The following HIVEP1 variants were observed in gnomAD, a reference collection of about 807,000 sequenced individuals.
HIVEP1 encodes zinc finger protein 40.
Under a neutral mutation model 180.0 loss-of-function variants are expected in HIVEP1, and 36 were observed. The ratio of observed to expected loss-of-function variants is 0.20; its 90% CI spans 0.15 to 0.26. The LOEUF (loss-of-function observed/expected upper bound fraction) is 0.26, where lower values mean the gene tolerates loss of function less well. HIVEP1 is among the 10% of genes least tolerant of loss of function. The pLI, the probability that HIVEP1 is intolerant of heterozygous loss-of-function variation, is 1.00. For missense variants in HIVEP1, 3,143 were observed against 3,268.7 expected (o/e 0.96, Z 0.94); for synonymous variants, 1,239 against 1,239.0 (o/e 1.00, Z 0.00).
Position 12,124,406 on chromosome 6 carries a change from T to G in HIVEP1, c.4611T>G (p.Gly1537=), listed in dbSNP as rs1476615770. ...TQLSLQVSTQ[G]SKPDKNSVLS... ...TATCTCTGCAAGTGTCTACGCAGGG[T>G]AGCAAGCCAGATAAAAATTCTGTTT... Residue 1537 remains glycine, a synonymous_variant, in exon 4 of 9, where the codon GGT becomes GGG. Transcript: ENST00000379388. The G allele has an allele frequency of 1.2e-6, 2 of 1,614,032 alleles. No individual in the cohort carries two copies. Among genetic ancestry groups the G allele is most frequent in the Non-Finnish European group, 1.7e-6 (2 of 1,179,968 alleles).
At chr6:12,010,437 CA>C (rs1324870541), upstream of HIVEP1, among the ~76,000 whole-genome samples, 2 of 152,146 alleles carry the variant, frequency 1.3e-5, no homozygotes, top group Non-Finnish European at 2.9e-5. Flanking sequence ...ACGATTTCCT[CA>C]GGGGAATTTT....
chr6:12,129,798 A>G lies in HIVEP1; in HGVS notation c.6115A>G (p.Ser2039Gly). The change falls in exon 5 of 9, where the codon AGC becomes GGC. Residue 2039 changes from serine (S) to glycine (G), a missense_variant. Transcript: ENST00000379388. ...TCAAAAGTCCACAGTAGTTGAATTC[A>G]GCAATAAAGATGCCTCTGAAATTAA... ...GNQKSTVVEF[S>G]NKDASEINSE... is the part of the protein sequence containing the mutation. The G allele has an allele frequency of 6.2e-7, 1 of 1,600,312 alleles. No homozygotes were observed. Among genetic ancestry groups the G allele is most frequent in the Non-Finnish European group, 8.6e-7 (1 of 1,167,570 alleles).
Position 12,124,189 on chromosome 6 carries a change from A to T in HIVEP1, c.4394A>T (p.Gln1465Leu). ...ALPSVNAVPY[Q>L]GPQLTSTSLA... ...CCCAGTGTGAATGCAGTGCCATATCAGGGGCCTCAGCTCACTAGTACATCT... is the reference window on the plus strand; with the variant it reads ...CCCAGTGTGAATGCAGTGCCATATCTGGGGCCTCAGCTCACTAGTACATCT... Residue 1465 changes from glutamine to leucine, a missense_variant, in exon 4 of 9, where the codon CAG becomes CTG. Gln to Leu is a moderately radical substitution (Grantham distance 113). Transcript: ENST00000379388. 6.2e-7 allele frequency: 1 copy of T among 1,614,062 alleles called. No individual in the cohort carries two copies. The highest frequency in any genetic ancestry group is 8.5e-7 in the Non-Finnish European group (1 of 1,179,974).
chr6:12,067,456 A>G (rs1349077773), intron 2 of HIVEP1, among the ~76,000 whole-genome samples: 1 of 152,160 alleles, frequency 6.6e-6, no homozygotes, highest in Admixed American at 6.5e-5. Context: ...AATAATAAGG[A>G]CTATTTAAAC....
rs757615389 is a variant in HIVEP1 at position 12,124,710 on chromosome 6, C to T, written c.4915C>T (p.Arg1639Cys). The change falls in exon 4 of 9, where the codon CGC (arginine) becomes TGC (cysteine). Residue 1639 changes from arginine to cysteine, a missense_variant. Transcript: ENST00000379388. ...KVPSSFMLPI[R>C]LQSSVPAYCF... ...GCCATCATCATTCATGCTGCCCATA[C>T]GCCTGCAGAGTAGTGTTCCTGCTTA... 1.4e-5 allele frequency: 23 copies of T among 1,614,014 alleles called. No individual in the cohort carries two copies. The highest frequency in any genetic ancestry group is 1.6e-4 in the Middle Eastern group (1 of 6,084).
At chr6:12,131,297 A>T (rs1758402797) in intron 6 of HIVEP1, among the ~76,000 whole-genome samples, 1 of 152,032 alleles carries the variant, frequency 6.6e-6, no homozygotes, top group Admixed American at 6.5e-5. Flanking sequence ...TTTCATGATC[A>T]CAAGTAAATT....
At chr6:12,158,159 G>A (rs1390168521) in intron 7 of HIVEP1, among the ~76,000 whole-genome samples, 1 of 152,074 alleles carries the variant, frequency 6.6e-6, no homozygotes, top group East Asian at 1.9e-4. Context: ...CTTCTTGTAT[G>A]CCTTGTAATT....
chr6:12,043,457 G>C (rs1370300700), intron 2 of HIVEP1, among the ~76,000 whole-genome samples: 1 of 150,882 alleles, frequency 6.6e-6, no homozygotes, highest in Non-Finnish European at 1.5e-5. Flanking sequence ...CACCTCCCAG[G>C]TTCAAGTGAT....
downstream of HIVEP1, among the ~76,000 whole-genome samples, chr6:12,166,230 G>A (rs748739541): frequency 7.2e-5 from 11 of 152,108 alleles, no homozygotes; most frequent in Non-Finnish European, 1.6e-4. Flanking sequence ...AGTATAATAA[G>A]CATATTCTTA....
Position 12,124,490 on chromosome 6 carries a change from G to A in HIVEP1, c.4695G>A (p.Gln1565=), listed in dbSNP as rs1356798232. The A allele has an allele frequency of 3.1e-6, 5 of 1,614,026 alleles. No individual in the cohort carries two copies. ...CTCCCAAATACCAATTGCATTGTCAGGTTTTCACTTCAGGCCCATCTTGCT... is the reference window on the plus strand; with the variant it reads ...CTCCCAAATACCAATTGCATTGTCAAGTTTTCACTTCAGGCCCATCTTGCT... The part of the protein sequence containing the change: ...CFAPKYQLHC[Q]VFTSGPSCSS... Residue 1565 remains glutamine (Q), a synonymous_variant, in exon 4 of 9, where the codon CAG becomes CAA. Transcript: ENST00000379388.
chr6:12,171,340 C>CT, the HIVEP1 span, among the ~76,000 whole-genome samples: 1 of 152,178 alleles, frequency 6.6e-6, no homozygotes, highest in Non-Finnish European at 1.5e-5. Context: ...GGCAGAGCCA[C>CT]TACGCCCAGC....
At chr6:12,103,514 C>A (rs1774232197) in intron 3 of HIVEP1, among the ~76,000 whole-genome samples, 1 of 151,212 alleles carries the variant, frequency 6.6e-6, no homozygotes, top group South Asian at 2.1e-4. Context: ...AGGATAGTTT[C>A]TAGTTTAGAC....
chr6:12,010,169 G>A (rs1010779511), upstream of HIVEP1, among the ~76,000 whole-genome samples: 10 of 152,210 alleles, frequency 6.6e-5, no homozygotes, highest in African/African-American at 1.9e-4. Context: ...TTTCACAAAT[G>A]AGAGATGGTT....
chr6:12,043,456 G>T lies in HIVEP1; in HGVS notation c.40+27788G>T, dbSNP rs551228026. Among the ~76,000 whole-genome samples, 14 of 149,274 alleles carry T rather than the reference G, an allele frequency of 9.4e-5. No individual in the cohort carries two copies. The Admixed American group carries it at 9.5e-4, about 10-fold the overall frequency. On this transcript the variant is annotated intron_variant, in intron 2 of 8. Transcript: ENST00000379388. ...AGTTCACTGCAACCTCCACCTCCCA[G>T]GTTCAAGTGATTCTCCTGCCTCAGC...
At chr6:12,141,438 C>T (rs1235101373) in intron 7 of HIVEP1, among the ~76,000 whole-genome samples, 1 of 151,990 alleles carries the variant, frequency 6.6e-6, no homozygotes, top group African/African-American at 2.4e-5. Context: ...TAAAGACCAT[C>T]AATGCTTGGA....
downstream of HIVEP1, among the ~76,000 whole-genome samples, chr6:12,168,237 ATATT>A (rs1378586857): frequency 1.1e-4 from 14 of 131,366 alleles, 1 homozygote; most frequent in East Asian, 4.2e-4. Context: ...ATATACATAT[ATATT>A]ATATATACAG....
At chr6:12,141,869 C>A (rs1035354851) in intron 7 of HIVEP1, among the ~76,000 whole-genome samples, 11 of 146,530 alleles carry the variant, frequency 7.5e-5, no homozygotes, top group African/African-American at 2.7e-4. Context: ...TACAGGAGCA[C>A]CCAGATTCAT....
intron 3 of HIVEP1, among the ~76,000 whole-genome samples, chr6:12,118,300 A>C (rs1325843508): frequency 6.6e-6 from 1 of 152,210 alleles, no homozygotes; most frequent in Non-Finnish European, 1.5e-5. Flanking sequence ...TACAGTGTAG[A>C]CATTTTGGTC....
In HIVEP1 at chr6:12,122,397, G is replaced by C; in HGVS notation, c.2602G>C (p.Asp868His). The C allele has an allele frequency of 6.2e-7, 1 of 1,614,202 alleles. No homozygotes were observed. The highest frequency in any genetic ancestry group is 8.5e-7 in the Non-Finnish European group (1 of 1,180,012). ...TCCACTAAGAGGAAGTCAGTCATTT[G>C]ATGACAAAATTGGCGCTTTCTATGA... ...PHPLRGSQSF[D>H]DKIGAFYDDV... The change falls in exon 4 of 9, where the codon GAT becomes CAT. Residue 868 changes from aspartate to histidine, a missense_variant. This residue lies in a region of HIVEP1 where 204 missense variants were observed against 243.7 expected (regional missense o/e 0.84). Coordinates refer to ENST00000379388, the MANE Select transcript of HIVEP1 (RefSeq NM_002114.4).
Sources: gnomAD v4.1 joint callset for allele counts (sites outside exome capture counted in the v4.1 genomes callset) on GRCh38, gnomAD v4.1.1 for gene constraint, gnomAD v4.1.1 regional missense constraint, MANE v1.5 for transcripts, NCBI Gene and HGNC (gene_info 2026-07-23, HGNC 2026-07-21) for gene names.